Variants in PITPNC1 observed in about 807,000 individuals in gnomAD.
The protein encoded by PITPNC1 is cytoplasmic phosphatidylinositol transfer protein 1.
In PITPNC1, 18 loss-of-function variants were observed where a neutral mutation model predicts 44.7. The ratio of observed to expected loss-of-function variants is 0.40; its 90% CI spans 0.28 to 0.60. The LOEUF is 0.60. Ranked by LOEUF, PITPNC1 falls within the 20% of genes least tolerant of loss-of-function variation. The probability of loss-of-function intolerance (pLI) is 0.39; values close to 1 mark genes in which losing one functional copy is unlikely to be tolerated. For missense variants in PITPNC1, 290 were observed against 418.4 expected, an observed-to-expected ratio of 0.69 and a Z score of 2.68; for synonymous variants, 141 against 149.6, an observed-to-expected ratio of 0.94 and a Z score of 0.42.
At chr17:67,538,412 C>T (rs868689629) in intron 2 of PITPNC1, among the ~76,000 whole-genome samples, 45 of 152,180 alleles carry the variant, frequency 3.0e-4, no homozygotes, top group Middle Eastern at 3.4e-3. Context: ...CCAGACTGGG[C>T]AACCTGACGA....
rs188905092 is a variant in PITPNC1 at position 67,427,336 on chromosome 17, G to A, written c.48+49134G>A. 4.0e-3 allele frequency among the ~76,000 whole-genome samples: 606 copies of A among 152,096 alleles called. 7 individuals carry two copies. Among genetic ancestry groups the A allele is most frequent in the African/African-American group, 0.014 (582 of 41,514 alleles). ...AGCAATTCTCCTGCTTCAGCCTCCCGAGTAGCTGGGACCACAGGCGCCCGC... is the reference window on the plus strand; with the variant it reads ...AGCAATTCTCCTGCTTCAGCCTCCCAAGTAGCTGGGACCACAGGCGCCCGC... On this transcript the variant is annotated intron_variant, in intron 1 of 8. Transcript: ENST00000581322.
intron 6 of PITPNC1, among the ~76,000 whole-genome samples, chr17:67,647,470 T>TTTTTG: frequency 1.1e-5 from 1 of 94,572 alleles, no homozygotes; most frequent in Non-Finnish European, 2.0e-5. Context: ...TTGGGTTTTT[T>TTTTTG]TTTTTTTTTT....
chr17:67,400,379 T>G (rs562764105), intron 1 of PITPNC1, among the ~76,000 whole-genome samples: 1 of 152,230 alleles, frequency 6.6e-6, no homozygotes, highest in Non-Finnish European at 1.5e-5. Context: ...AGATTGCCAT[T>G]GGAAATAGGC....
intron 6 of PITPNC1, among the ~76,000 whole-genome samples, chr17:67,665,239 T>C (rs2042405559): frequency 6.6e-6 from 1 of 152,140 alleles, no homozygotes; most frequent in African/African-American, 2.4e-5. Context: ...ACTATAAGCA[T>C]GTGCCACCAC....
At position 67,598,098 on chromosome 17, in the gene PITPNC1, C is replaced by T. The variant is rs568539203; in HGVS notation, c.366+19841C>T. On this transcript the variant is annotated intron_variant, in intron 5 of 8. Coordinates refer to ENST00000581322, the MANE Select transcript of PITPNC1 (RefSeq NM_012417.4). ...TTAGCTGGGAGTAGTGGTGCGTGCC[C>T]GTAATTCCAGCTACTTGGGAGGCTG... 2.8e-3 allele frequency among the ~76,000 whole-genome samples: 432 copies of T among 151,810 alleles called. 3 individuals are homozygous for T. The highest frequency in any genetic ancestry group is 1.4e-3 in the Non-Finnish European group (95 of 67,882).
intron 1 of PITPNC1, among the ~76,000 whole-genome samples, chr17:67,473,042 A>AT (rs1749846124): frequency 6.6e-6 from 1 of 151,210 alleles, no homozygotes; most frequent in African/African-American, 2.4e-5. Flanking sequence ...TGCCCAACTA[A>AT]TTTTTTTGTA....
intron 1 of PITPNC1, chr17:67,471,655 C>T (rs1598713127): frequency 4.1e-6 from 1 of 243,876 alleles, no homozygotes; most frequent in East Asian, 1.2e-4. Flanking sequence ...CATATACCCC[C>T]TAAAGTTAAC....
At chr17:67,632,823 C>T (rs796982642) in intron 6 of PITPNC1, among the ~76,000 whole-genome samples, 5 of 152,288 alleles carry the variant, frequency 3.3e-5, no homozygotes, top group African/African-American at 1.2e-4. Flanking sequence ...CCACCTTGGC[C>T]TCCCAAAGCA....
chr17:67,614,113 A>G (rs532669698), intron 5 of PITPNC1, among the ~76,000 whole-genome samples: 1 of 151,580 alleles, frequency 6.6e-6, no homozygotes, highest in Non-Finnish European at 1.5e-5. Flanking sequence ...AAAGAAAAAG[A>G]AAAAAGAGCG....
chr17:67,537,732 G>GGAGGT (rs2040548971), intron 2 of PITPNC1, among the ~76,000 whole-genome samples: 1 of 152,036 alleles, frequency 6.6e-6, no homozygotes, highest in South Asian at 2.1e-4. Context: ...TAGTTCTTTG[G>GGAGGT]GAGGTCGAGG....
intron 8 of PITPNC1, among the ~76,000 whole-genome samples, chr17:67,677,840 G>T (rs2042630634): frequency 6.6e-6 from 1 of 151,674 alleles, no homozygotes; most frequent in African/African-American, 2.4e-5. Flanking sequence ...AAAGTGCTGG[G>T]ATTACAGGCA....
At chr17:67,402,748 T>G (rs1168017854) in intron 1 of PITPNC1, among the ~76,000 whole-genome samples, 2 of 152,178 alleles carry the variant, frequency 1.3e-5, no homozygotes, top group African/African-American at 4.8e-5. Flanking sequence ...TTCACTGCAA[T>G]CTTCCCCTCC....
intron 1 of PITPNC1, among the ~76,000 whole-genome samples, chr17:67,430,164 G>A (rs981162645): frequency 6.6e-6 from 1 of 152,166 alleles, no homozygotes; most frequent in Non-Finnish European, 1.5e-5. Flanking sequence ...AGATGGTAAC[G>A]TCTTTTCTCT....
chr17:67,677,868 C>G (rs1330914017), intron 8 of PITPNC1, among the ~76,000 whole-genome samples: 1 of 151,690 alleles, frequency 6.6e-6, no homozygotes, highest in African/African-American at 2.4e-5. Flanking sequence ...CTGCGCCCGG[C>G]CTTAGGGACT....
chr17:67,445,904 A>G (rs946798114), intron 1 of PITPNC1, among the ~76,000 whole-genome samples: 1 of 151,956 alleles, frequency 6.6e-6, no homozygotes, highest in Non-Finnish European at 1.5e-5. Context: ...TTGCTCCAGA[A>G]GTTCCAATCA....
chr17:67,532,987 C>T, intron 2 of PITPNC1, 37 bp downstream of exon 2: 4 of 1,565,572 alleles, frequency 2.6e-6, no homozygotes, highest in Non-Finnish European at 3.5e-6. Context: ...ACAGAAGCCC[C>T]CTCCCACCTG....
At position 67,408,111 on chromosome 17, in the gene PITPNC1, C is replaced by T. The variant is rs545280800; in HGVS notation, c.48+29909C>T. Among the ~76,000 whole-genome samples the T allele has an allele frequency of 2.4e-4, 37 of 151,044 alleles. No individual in the cohort carries two copies. In the East Asian group the frequency reaches 5.9e-3, roughly 24 times the overall value. ...CTGGGATTACAGGCATGCACCGCCA[C>T]GCCCAGCTAATTTTTTGTATTTTTA... On this transcript the variant is annotated intron_variant, in intron 1 of 8. Coordinates refer to ENST00000581322, the MANE Select transcript of PITPNC1 (RefSeq NM_012417.4).
At chr17:67,624,230 T>TTTTTTTTTTTTTTTC (rs1567745244) in intron 5 of PITPNC1, among the ~76,000 whole-genome samples, 1 of 147,122 alleles carries the variant, frequency 6.8e-6, no homozygotes, top group Non-Finnish European at 1.5e-5. Context: ...TTTTTTTTTT[T>TTTTTTTTTTTTTTTC]CCTCAGGGTT....
At chr17:67,596,579 C>T (rs1019308229) in intron 5 of PITPNC1, among the ~76,000 whole-genome samples, 9 of 152,038 alleles carry the variant, frequency 5.9e-5, no homozygotes, top group Non-Finnish European at 1.0e-4. Flanking sequence ...GGCCCGATCT[C>T]GGCTCACTGC....
Sources: allele counts gnomAD v4.1 joint callset (sites outside exome capture counted in the v4.1 genomes callset), GRCh38; gene constraint gnomAD v4.1.1; transcripts MANE v1.5; gene names NCBI Gene and HGNC (gene_info 2026-07-23, HGNC 2026-07-21).